The following RNF39 variants were observed in gnomAD, a reference collection of about 807,000 sequenced individuals.
RNF39 encodes the protein ring finger protein 39, also known as LTP (long-term potentiation) induced RING finger protein.
In RNF39, 25 loss-of-function variants were observed where a neutral mutation model predicts 29.2. The observed-to-expected ratio is 0.86, with a 90% CI of 0.62 to 1.20. The LOEUF is 1.20. Ranked by LOEUF, RNF39 falls within the 50% of genes most tolerant of loss-of-function variation. The probability of loss-of-function intolerance (pLI) is 0.00; values close to 1 mark genes in which losing one functional copy is unlikely to be tolerated. For synonymous variants in RNF39, 219 were observed against 229.0 expected (o/e 0.96, Z 0.40); for missense variants, 519 against 515.0 (o/e 1.01, Z -0.08).
chr6:30,074,663 T>C lies in RNF39; in HGVS notation c.363+560A>G, dbSNP rs1314250909. On this transcript the variant is annotated intron_variant, in intron 1 of 3. Coordinates refer to ENST00000244360, the MANE Select transcript of RNF39 (RefSeq NM_025236.4). This position sits in a 1 kb window ranked among gnomAD's most constrained non-coding sequence, Gnocchi z 4.1. ...AACCCCTTGCTCCCTTCCTCCATCC[T>C]CTTGTCAGTCCCCTCCTCCCCAGCT... Among the ~76,000 whole-genome samples, 1 of 151,778 alleles carries C rather than the reference T, an allele frequency of 6.6e-6. No homozygotes were observed. Among genetic ancestry groups the C allele is most frequent in the Non-Finnish European group, 1.5e-5 (1 of 67,894 alleles).
At position 30,072,082 on chromosome 6, in the gene RNF39, C is replaced by A. The variant is rs1259787506; in HGVS notation, c.479-391G>T. Among the ~76,000 whole-genome samples, 1 of 151,982 alleles carries A rather than the reference C, an allele frequency of 6.6e-6. No individual in the cohort carries two copies. Among genetic ancestry groups the A allele is most frequent in the African/African-American group, 2.4e-5 (1 of 41,348 alleles). Reference sequence around the variant, plus strand: ...CATCATCTGGGGTGGGGCATGGGAGCTGGGTCAGCAAAATGGGGAAGGTTC... The same window carrying A: ...CATCATCTGGGGTGGGGCATGGGAGATGGGTCAGCAAAATGGGGAAGGTTC... On this transcript the variant is annotated intron_variant, in intron 3 of 3. Coordinates refer to ENST00000244360, the MANE Select transcript of RNF39 (RefSeq NM_025236.4). This position sits in a 1 kb window ranked among gnomAD's most constrained non-coding sequence, Gnocchi z 4.5.
Position 30,075,279 on chromosome 6 carries a change from C to G in RNF39, c.307G>C (p.Gly103Arg). The change falls in exon 1 of 4, where the codon GGG becomes CGG. Residue 103 changes from glycine to arginine, a missense_variant. Coordinates refer to ENST00000244360, the MANE Select transcript of RNF39 (RefSeq NM_025236.4). ...EKLAEPGARA[G>R]RRRGGRIPTM... ...GGGATGCGCCCCCCTCGGCGTCTCCCCGCACGGGCCCCAGGCTCAGCCAGC... is the reference window on the plus strand; with the variant it reads ...GGGATGCGCCCCCCTCGGCGTCTCCGCGCACGGGCCCCAGGCTCAGCCAGC... 6.3e-7 allele frequency: 1 copy of G among 1,598,924 alleles called. No homozygotes were observed. The highest frequency in any genetic ancestry group is 1.1e-5 in the South Asian group (1 of 89,078).
At position 30,071,507 on chromosome 6, in the gene RNF39, C is replaced by T; in HGVS notation, c.663G>A (p.Glu221=). 1.3e-6 allele frequency: 2 copies of T among 1,548,328 alleles called. No homozygotes were observed. Among genetic ancestry groups the T allele is most frequent in the East Asian group, 2.4e-5 (1 of 40,844 alleles). ...FGAGRHCWEV[E]TADAASCRDS... ...CTCTGCAGGAGGCGGCGTCCGCAGTCTCCACCTCCCAGCAGTGGCGGCCGG... is the reference window on the plus strand; with the variant it reads ...CTCTGCAGGAGGCGGCGTCCGCAGTTTCCACCTCCCAGCAGTGGCGGCCGG... The change falls in exon 4 of 4, where the codon GAG becomes GAA. Residue 221 remains glutamate (E), a synonymous_variant. Coordinates refer to ENST00000244360, the MANE Select transcript of RNF39 (RefSeq NM_025236.4). The surrounding 1 kb of genome is among the most constrained non-coding windows in gnomAD (Gnocchi z 5.0).
rs372469833 is a variant in RNF39 at position 30,074,697 on chromosome 6, GC to G, written c.363+525del. ...TCCCCTCCTCCCCAGCTTTTTCTCC[GC>G]CCCCAACCCACCAGCCCAGCCTCCT... On this transcript the variant is annotated intron_variant, in intron 1 of 3. Transcript: ENST00000244360. This position sits in a 1 kb window ranked among gnomAD's most constrained non-coding sequence, Gnocchi z 4.1. 6.7e-6 allele frequency among the ~76,000 whole-genome samples: 1 copy of G among 148,240 alleles called. No individual in the cohort carries two copies. Among genetic ancestry groups the G allele is most frequent in the Non-Finnish European group, 1.5e-5 (1 of 66,986 alleles).
chr6:30,075,174 G>A (rs1766307022), intron 1 of RNF39, 49 bp downstream of exon 1: 17 of 1,508,430 alleles, frequency 1.1e-5, no homozygotes, highest in Non-Finnish European at 1.5e-5. Flanking sequence ...GGCTTCCCCG[G>A]GAACCTCCCG....
chr6:30,070,865 T>C lies in RNF39; in HGVS notation c.*246A>G, dbSNP rs1380631748. The C allele has an allele frequency of 2.9e-6, 2 of 695,422 alleles. No homozygotes were observed. Among genetic ancestry groups the C allele is most frequent in the Non-Finnish European group, 5.3e-6 (2 of 380,620 alleles). 43.1% of individuals were successfully genotyped at this position (695,422 alleles called of 1,614,324 possible). A position where few individuals can be genotyped will look rare whatever the true frequency, so the allele number is the denominator to read the frequency against. ...TTGAATGGGAGAAGTCAGGAAGTAC[T>C]GTAGTAGCTGTAGGGGAGAGAAGAT... On this transcript the variant is annotated 3_prime_UTR_variant, in exon 4 of 4. Transcript: ENST00000244360.
In RNF39 at chr6:30,071,452, C is replaced by A; in HGVS notation, c.718G>T (p.Glu240Ter). The change falls in exon 4 of 4, where the codon GAG (glutamate) becomes TAG (stop). Residue 240 changes from glutamate (E) to a stop codon, truncating the protein, a stop_gained. Coordinates refer to ENST00000244360, the MANE Select transcript of RNF39 (RefSeq NM_025236.4). LOFTEE classifies it high-confidence loss of function. This position sits in a 1 kb window ranked among gnomAD's most constrained non-coding sequence, Gnocchi z 5.0. ...GCCGCGCCCACTGCATAGTGGCTCTCCTCGTCGTCCGCATCCTCCCCAGAA... is the reference window on the plus strand; with the variant it reads ...GCCGCGCCCACTGCATAGTGGCTCTACTCGTCGTCCGCATCCTCCCCAGAA... Reference protein sequence around the residue: ...DSSGEDADDEESHYAVGAAGE... With the variant: ...DSSGEDADDE 6.4e-7 allele frequency: 1 copy of A among 1,556,746 alleles called. No homozygotes were observed. Among genetic ancestry groups the A allele is most frequent in the Non-Finnish European group, 8.6e-7 (1 of 1,159,256 alleles).
At position 30,071,429 on chromosome 6, in the gene RNF39, C is replaced by A; in HGVS notation, c.741G>T (p.Ala247=). 1 of 1,506,968 alleles carries A rather than the reference C, an allele frequency of 6.6e-7. No homozygotes were observed. The allele number at this position is 1,506,968 out of a possible 1,614,324, so 93.3% of individuals were successfully genotyped here. A position where few individuals can be genotyped will look rare whatever the true frequency, so the allele number is the denominator to read the frequency against. The change falls in exon 4 of 4, where the codon GCG becomes GCT. Residue 247 remains alanine (A), a synonymous_variant. Transcript: ENST00000244360. The surrounding 1 kb of genome is among the most constrained non-coding windows in gnomAD (Gnocchi z 5.0). ...CCTTGCGTTGCACTGATTCCCCGGC[C>A]GCGCCCACTGCATAGTGGCTCTCCT... is the stretch of plus-strand genomic sequence containing the variant. The part of the protein sequence containing the change: ...DDEESHYAVG[A]AGESVQRKGC...
intron 3 of RNF39, 98 bp downstream of exon 3, chr6:30,073,059 G>C: frequency 1.2e-6 from 1 of 830,944 alleles, no homozygotes; most frequent in East Asian, 2.4e-5. Flanking sequence ...AACTAATGCA[G>C]ACATCAAAAA....
Position 30,070,637 on chromosome 6 carries a change from C to T in RNF39, c.*474G>A, listed in dbSNP as rs1765861783. 1 of 359,262 alleles carries T rather than the reference C, an allele frequency of 2.8e-6. No individual in the cohort carries two copies. The highest frequency in any genetic ancestry group is 5.5e-6 in the Non-Finnish European group (1 of 182,984). The allele number at this position is 359,262 out of a possible 1,614,324, so 22.3% of individuals were successfully genotyped here. The stretch of plus-strand genomic sequence containing the variant: ...CACAGGGCCCAGACCAGAGTCAAGC[C>T]TCTTGTTTTAGGAGAAACCTCAGTG... On this transcript the variant is annotated 3_prime_UTR_variant, in exon 4 of 4. Coordinates refer to ENST00000244360, the MANE Select transcript of RNF39 (RefSeq NM_025236.4).
At position 30,071,397 on chromosome 6, in the gene RNF39, A is replaced by T; in HGVS notation, c.773T>A (p.Val258Glu). The change falls in exon 4 of 4, where the codon GTA (valine) becomes GAA (glutamate). Residue 258 changes from valine to glutamate, a missense_variant. Transcript: ENST00000244360. This position sits in a 1 kb window ranked among gnomAD's most constrained non-coding sequence, Gnocchi z 5.0. ...AGESVQRKGC[V>E]RLCPAGAVWA... ...CACGGCCCCCGCAGGGCACAGCCTT[A>T]CGCAGCCCTTGCGTTGCACTGATTC... 1 of 1,486,796 alleles carries T rather than the reference A, an allele frequency of 6.7e-7. No homozygotes were observed. Among genetic ancestry groups the T allele is most frequent in the Non-Finnish European group, 8.9e-7 (1 of 1,127,678 alleles). 92.1% of individuals were successfully genotyped at this position (1,486,796 alleles called of 1,614,324 possible).
In RNF39 at chr6:30,071,577, C is replaced by G; in HGVS notation, c.593G>C (p.Arg198Pro). ...CAGCACAGCTGGGAGCTGATCGAAG[C>G]GCTTGGGGCCGTCAGGGGGCGCGGG... ...GTPAPPDGPK[R>P]FDQLPAVLGA... The change falls in exon 4 of 4, where the codon CGC becomes CCC. Residue 198 changes from arginine to proline, a missense_variant. Coordinates refer to ENST00000244360, the MANE Select transcript of RNF39 (RefSeq NM_025236.4). The surrounding 1 kb of genome is among the most constrained non-coding windows in gnomAD (Gnocchi z 5.0). 1 of 1,479,612 alleles carries G rather than the reference C, an allele frequency of 6.8e-7. No individual in the cohort carries two copies. Among genetic ancestry groups the G allele is most frequent in the Non-Finnish European group, 8.9e-7 (1 of 1,121,244 alleles). 91.7% of individuals were successfully genotyped at this position (1,479,612 alleles called of 1,614,324 possible).
chr6:30,073,262 G>A lies in RNF39; in HGVS notation c.387-14C>T. 1 of 1,584,320 alleles carries A rather than the reference G, an allele frequency of 6.3e-7. No homozygotes were observed. Among genetic ancestry groups the A allele is most frequent in the Non-Finnish European group, 8.7e-7 (1 of 1,153,298 alleles). On this transcript the variant is annotated splice_polypyrimidine_tract_variant and intron_variant, in intron 2 of 3. Transcript: ENST00000244360. The stretch of plus-strand genomic sequence containing the variant: ...GGGACTTCAAATCTACACAGATGAG[G>A]GGAAGGGTCAGGAAATCAGCCCTCT...
In RNF39 at chr6:30,074,276, T is replaced by A. The variant is rs142080144; in HGVS notation, c.364-798A>T. ...ATTGTGCCAATTACTTTCAGACTAATTAGGTCTATGAAGACTTCAAAGGGC... is the reference window on the plus strand; with the variant it reads ...ATTGTGCCAATTACTTTCAGACTAAATAGGTCTATGAAGACTTCAAAGGGC... On this transcript the variant is annotated intron_variant, in intron 1 of 3. Transcript: ENST00000244360. The surrounding 1 kb of genome is among the most constrained non-coding windows in gnomAD (Gnocchi z 4.1). Among the ~76,000 whole-genome samples, 367 of 152,272 alleles carry A rather than the reference T, an allele frequency of 2.4e-3. 3 individuals carry two copies. The highest frequency in any genetic ancestry group is 7.5e-3 in the African/African-American group (312 of 41,542).
At chr6:30,073,531 G>A in intron 1 of RNF39, 53 bp from the exon 2 acceptor site, 1 of 1,600,220 alleles carries the variant, frequency 6.2e-7, no homozygotes, top group South Asian at 1.1e-5. Flanking sequence ...CATTCCCTGG[G>A]GCATCCTTCC....
Position 30,075,242 on chromosome 6 carries a change from C to A in RNF39, c.344G>T (p.Cys115Phe). ...RRGGRIPTMG[C>F]LDLPGEDMRK... Reference sequence around the variant, plus strand: ...CCTCACCTCTCCGGGCAGGTCCAGGCAGCCCATGGTGGGGATGCGCCCCCC... The same window carrying A: ...CCTCACCTCTCCGGGCAGGTCCAGGAAGCCCATGGTGGGGATGCGCCCCCC... Residue 115 changes from cysteine (C) to phenylalanine (F), a missense_variant, in exon 1 of 4, where the codon TGC becomes TTC. Cys to Phe is a radical substitution (Grantham distance 205). Coordinates refer to ENST00000244360, the MANE Select transcript of RNF39 (RefSeq NM_025236.4). 2 of 1,596,696 alleles carry A rather than the reference C, an allele frequency of 1.3e-6. No individual in the cohort carries two copies. The highest frequency in any genetic ancestry group is 1.7e-6 in the Non-Finnish European group (2 of 1,176,532).
Position 30,075,440 on chromosome 6 carries a change from C to A in RNF39, c.146G>T (p.Gly49Val). The A allele has an allele frequency of 6.4e-7, 1 of 1,553,988 alleles. No homozygotes were observed. The highest frequency in any genetic ancestry group is 8.7e-7 in the Non-Finnish European group (1 of 1,152,330). ...CTCGGTGCCGGTCGCCGGCGGAGTC[C>A]CCCAGCGGCGGGCCAGACACGCGCG... ...FCRACLARRW[G>V]TPPATGTEAS... The change falls in exon 1 of 4, where the codon GGG (glycine) becomes GTG (valine). Residue 49 changes from glycine to valine, a missense_variant. Transcript: ENST00000244360.
Position 30,075,658 on chromosome 6 carries a change from G to A in RNF39, c.-73C>T. The A allele has an allele frequency of 6.2e-7, 1 of 1,613,088 alleles. No homozygotes were observed. The highest frequency in any genetic ancestry group is 8.5e-7 in the Non-Finnish European group (1 of 1,179,916). The stretch of plus-strand genomic sequence containing the variant: ...CCTTCGAGCGCGCAGATGGCGGGCC[G>A]CCCCTGCTGCTTGCTGTGTAGATGC... On this transcript the variant is annotated 5_prime_UTR_variant, in exon 1 of 4. Transcript: ENST00000244360.
At position 30,074,234 on chromosome 6, in the gene RNF39, G is replaced by C. The variant is rs73728110; in HGVS notation, c.364-756C>G. ...GGCCGATATGGTGGAGCGGGGGAGA[G>C]AGAAACAATTTGCATAATTGTGCCA... On this transcript the variant is annotated intron_variant, in intron 1 of 3. Coordinates refer to ENST00000244360, the MANE Select transcript of RNF39 (RefSeq NM_025236.4). This position sits in a 1 kb window ranked among gnomAD's most constrained non-coding sequence, Gnocchi z 4.1. Among the ~76,000 whole-genome samples the C allele has an allele frequency of 3.4e-4, 52 of 152,292 alleles. No individual in the cohort carries two copies. The highest frequency in any genetic ancestry group is 1.2e-3 in the African/African-American group (48 of 41,544).
Sources: allele counts gnomAD v4.1 joint callset (sites outside exome capture counted in the v4.1 genomes callset), GRCh38; gene constraint gnomAD v4.1.1; non-coding constraint Gnocchi (gnomAD v3.1); transcripts MANE v1.5; gene names NCBI Gene and HGNC (gene_info 2026-07-23, HGNC 2026-07-21).